Variants in IL1R2 observed in about 807,000 individuals in gnomAD.
IL1R2 encodes the protein interleukin-1 receptor type 2.
In IL1R2, 46 loss-of-function variants were observed where a neutral mutation model predicts 39.5. That is an observed-to-expected ratio of 1.16 (90% CI 0.92 to 1.49). The LOEUF (loss-of-function observed/expected upper bound fraction) is 1.49, where lower values mean the gene tolerates loss of function less well. IL1R2 is among the 40% of genes most tolerant of loss of function. The pLI, the probability that IL1R2 is intolerant of heterozygous loss-of-function variation, is 0.00. For missense variants in IL1R2, 537 were observed against 502.0 expected, an observed-to-expected ratio of 1.07 and a Z score of -0.67; for synonymous variants, 207 against 189.6, an observed-to-expected ratio of 1.09 and a Z score of -0.75.
chr2:102,007,240 G>C (rs1409889989), intron 1 of IL1R2, among the ~76,000 whole-genome samples: 2 of 152,170 alleles, frequency 1.3e-5, no homozygotes, highest in Non-Finnish European at 1.5e-5. Context: ...TCTTTGGGGG[G>C]CATGGGGGAG....
At position 102,016,017 on chromosome 2, in the gene IL1R2, G is replaced by A. The variant is rs143112573; in HGVS notation, c.479G>A (p.Arg160His). Residue 160 changes from arginine (R) to histidine (H), a missense_variant, in exon 4 of 9, where the codon CGT becomes CAT. By Grantham distance (29) the Arg-to-His change is conservative. Coordinates refer to ENST00000332549, the MANE Select transcript of IL1R2 (RefSeq NM_004633.4). ...TGCCCTGACCTGAGTGAATTCACCC[G>A]TGACAAAACTGACGTGAAGATTCAA... ...LVCPDLSEFT[R>H]DKTDVKIQWY... The A allele has an allele frequency of 3.2e-5, 52 of 1,613,602 alleles. No individual in the cohort carries two copies. The highest frequency in any genetic ancestry group is 6.7e-5 in the Admixed American group (4 of 59,972).
chr2:101,992,302 G>GAGACAGAGAGAGACAGAGAA (rs1553612252), intron 1 of IL1R2, among the ~76,000 whole-genome samples: 9 of 151,360 alleles, frequency 5.9e-5, no homozygotes, highest in African/African-American at 2.2e-4. Context: ...GAGACAGAGA[G>GAGACAGAGAGAGACAGAGAA]AGACAGAGAA....
At chr2:101,998,633 G>C (rs1417152080) in intron 1 of IL1R2, among the ~76,000 whole-genome samples, 1 of 152,200 alleles carries the variant, frequency 6.6e-6, no homozygotes, top group East Asian at 1.9e-4. Context: ...GACTCATCTG[G>C]AGGGTCCACG....
intron 3 of IL1R2, among the ~76,000 whole-genome samples, chr2:102,014,711 CT>C (rs1229780634): frequency 6.6e-6 from 1 of 151,732 alleles, no homozygotes; most frequent in African/African-American, 2.4e-5. Context: ...ATTTTTACCC[CT>C]ATATGTAAAA....
chr2:102,007,079 AGAGT>A (rs1004336882), intron 1 of IL1R2, among the ~76,000 whole-genome samples: 1 of 152,206 alleles, frequency 6.6e-6, no homozygotes, highest in African/African-American at 2.4e-5. Flanking sequence ...CTTGTGAGCA[AGAGT>A]GAACGACCGT....
chr2:102,013,558 G>GAAAAAAAA (rs1676788000), intron 3 of IL1R2, among the ~76,000 whole-genome samples: 3 of 33,738 alleles, frequency 8.9e-5, no homozygotes, highest in African/African-American at 1.2e-4. Flanking sequence ...AAAAAGGAAA[G>GAAAAAAAA]AAAGAAAAGA....
At chr2:102,022,476 A>C (rs1677466487) in intron 6 of IL1R2, among the ~76,000 whole-genome samples, 2 of 152,208 alleles carry the variant, frequency 1.3e-5, no homozygotes, top group African/African-American at 2.4e-5. Context: ...AAACAGGTAT[A>C]CTTTGCTTCA....
At chr2:102,019,511 G>A (rs906847820) in intron 4 of IL1R2, 127 bp from the exon 5 acceptor site, 5 of 676,206 alleles carry the variant, frequency 7.4e-6, no homozygotes, top group Admixed American at 3.2e-5. Context: ...GTACAAAATT[G>A]GCAAAGTAAA....
intron 5 of IL1R2, among the ~76,000 whole-genome samples, chr2:102,021,016 A>C (rs902130010): frequency 6.6e-6 from 1 of 152,170 alleles, no homozygotes; most frequent in Non-Finnish European, 1.5e-5. Flanking sequence ...AAGTCTAAGA[A>C]GCACTGAGAT....
chr2:102,010,397 C>A (rs1381397820), intron 3 of IL1R2, among the ~76,000 whole-genome samples: 3 of 152,000 alleles, frequency 2.0e-5, no homozygotes, highest in Non-Finnish European at 2.9e-5. Flanking sequence ...CACAGTGAAA[C>A]CCCGTCTCTA....
At position 102,028,202 on chromosome 2, in the gene IL1R2, G is replaced by A. The variant is rs370255705; in HGVS notation, c.1031-24G>A. On this transcript the variant is annotated intron_variant, in intron 8 of 8. Coordinates refer to ENST00000332549, the MANE Select transcript of IL1R2 (RefSeq NM_004633.4). ...TACAGTGAGAGACTGTTCAGCTCCT[G>A]ATGTGACTCTGTTCTTCCCACAGCC... 1.8e-5 allele frequency: 29 copies of A among 1,588,492 alleles called. No individual in the cohort carries two copies. The African/African-American group carries it at 3.4e-4, about 18-fold the overall frequency.
intron 6 of IL1R2, among the ~76,000 whole-genome samples, chr2:102,022,827 C>T (rs983134638): frequency 1.3e-5 from 2 of 152,196 alleles, no homozygotes; most frequent in Admixed American, 6.5e-5. Flanking sequence ...AGTGAGGGTA[C>T]GTAAGTGTAC....
chr2:101,996,281 G>A (rs569623412), intron 1 of IL1R2, among the ~76,000 whole-genome samples: 15 of 152,138 alleles, frequency 9.9e-5, no homozygotes, highest in Non-Finnish European at 1.9e-4. Flanking sequence ...ACAGCTGAGA[G>A]GAGCTGGAGG....
At chr2:102,026,280 T>C (rs2150465128) in intron 8 of IL1R2, 27 bp downstream of exon 8, 2 of 1,553,090 alleles carry the variant, frequency 1.3e-6, no homozygotes, top group Non-Finnish European at 1.8e-6. Context: ...GGGAGCACTA[T>C]AGGAGAATAT....
At chr2:102,002,612 GTATAAA>G in intron 1 of IL1R2, among the ~76,000 whole-genome samples, 1 of 150,838 alleles carries the variant, frequency 6.6e-6, no homozygotes, top group East Asian at 2.0e-4. Context: ...GTCTATGTCT[GTATAAA>G]TGTCTATGTC....
chr2:102,018,151 G>A (rs1415556849), intron 4 of IL1R2, among the ~76,000 whole-genome samples: 2 of 152,152 alleles, frequency 1.3e-5, no homozygotes, highest in Non-Finnish European at 1.5e-5. Context: ...GGCCAGGCTG[G>A]CCTCGAACTC....
At position 102,008,591 on chromosome 2, in the gene IL1R2, G is replaced by A. The variant is rs148522700; in HGVS notation, c.16G>A (p.Val6Met). Residue 6 changes from valine to methionine, a missense_variant, in exon 2 of 9, where the codon GTG becomes ATG. Coordinates refer to ENST00000332549, the MANE Select transcript of IL1R2 (RefSeq NM_004633.4). Reference protein sequence around the residue: MLRLYVLVMGVSAFTL... With the variant: MLRLYMLVMGVSAFTL... ...GTCAGGAGCAATGTTGCGCTTGTAC[G>A]TGTTGGTAATGGGAGTTTCTGCCTT... is the stretch of plus-strand genomic sequence containing the variant. The A allele has an allele frequency of 9.9e-6, 16 of 1,614,106 alleles. No homozygotes were observed. The highest frequency in any genetic ancestry group is 4.0e-5 in the African/African-American group (3 of 75,046).
chr2:102,013,837 T>G (rs1047008975), intron 3 of IL1R2, among the ~76,000 whole-genome samples: 1 of 152,064 alleles, frequency 6.6e-6, no homozygotes, highest in Non-Finnish European at 1.5e-5. Flanking sequence ...ACAACTTTCA[T>G]GTAGAAGGGC....
chr2:102,011,020 T>C (rs989064757), intron 3 of IL1R2, among the ~76,000 whole-genome samples: 2 of 152,238 alleles, frequency 1.3e-5, no homozygotes. Flanking sequence ...ATTATTTCAC[T>C]TAGCATAGTG....
Sources: allele counts gnomAD v4.1 joint callset (sites outside exome capture counted in the v4.1 genomes callset), GRCh38; gene constraint gnomAD v4.1.1; transcripts MANE v1.5; gene names NCBI Gene and HGNC (gene_info 2026-07-23, HGNC 2026-07-21).